SLC25A37: variants seen among roughly 807,000 people sequenced by gnomAD.
SLC25A37 encodes the protein mitoferrin-1.
SLC25A37 carries 17 observed loss-of-function variants against 31.0 expected under a neutral mutation model. That is an observed-to-expected ratio of 0.55 (90% CI 0.38 to 0.82). The LOEUF is 0.82. Ranked by LOEUF, SLC25A37 falls within the 40% of genes least tolerant of loss-of-function variation. The pLI, the probability that SLC25A37 is intolerant of heterozygous loss-of-function variation, is 0.00. For missense variants in SLC25A37, 404 were observed against 465.8 expected, an observed-to-expected ratio of 0.87 and a Z score of 1.22; for synonymous variants, 222 against 193.0, an observed-to-expected ratio of 1.15 and a Z score of -1.24.
chr8:23,566,706 T>A (rs1802670135), intron 2 of SLC25A37: 2 of 997,904 alleles, frequency 2.0e-6, no homozygotes, highest in Non-Finnish European at 2.4e-6. Context: ...AACTTTTGAA[T>A]GCTGGATTCA....
intron 1 of SLC25A37, among the ~76,000 whole-genome samples, chr8:23,554,361 A>G (rs934633129): frequency 1.3e-5 from 2 of 152,194 alleles, no homozygotes; most frequent in African/African-American, 4.8e-5. Flanking sequence ...AGGGCAGGGC[A>G]GGACAGGGAA....
intron 1 of SLC25A37, among the ~76,000 whole-genome samples, chr8:23,557,855 G>A (rs1055342825): frequency 6.6e-6 from 1 of 152,256 alleles, no homozygotes; most frequent in African/African-American, 2.4e-5. Context: ...ACATTGGGCA[G>A]CAGAGGCTAA....
chr8:23,573,545 C>G lies in SLC25A37; in HGVS notation c.*1690C>G, dbSNP rs1412938508. On this transcript the variant is annotated 3_prime_UTR_variant, in exon 4 of 4. Transcript: ENST00000519973. ...CGTGGTGCATCTTACCGAGGAGGCG[C>G]AGGCCTGGATTCTTTTGAGTGGTGC... 3.8e-6 allele frequency: 1 copy of G among 264,022 alleles called. No individual in the cohort carries two copies. Among genetic ancestry groups the G allele is most frequent in the Non-Finnish European group, 7.9e-6 (1 of 126,688 alleles). 16.4% of individuals were successfully genotyped at this position (264,022 alleles called of 1,614,324 possible).
At chr8:23,562,359 G>T (rs1422213937) in intron 1 of SLC25A37, among the ~76,000 whole-genome samples, 4 of 152,204 alleles carry the variant, frequency 2.6e-5, no homozygotes, top group Admixed American at 6.5e-5. Flanking sequence ...CAAATTAAAG[G>T]TGATGGCAAG....
intron 1 of SLC25A37, among the ~76,000 whole-genome samples, chr8:23,559,539 C>T (rs764613175): frequency 1.3e-5 from 2 of 152,130 alleles, no homozygotes; most frequent in Admixed American, 1.3e-4. Context: ...TACAGTCCAG[C>T]GGCATTAAGT....
At position 23,571,768 on chromosome 8, in the gene SLC25A37, G is replaced by C. The variant is rs771283665; in HGVS notation, c.930G>C (p.Met310Ile). 2 of 1,614,028 alleles carry C rather than the reference G, an allele frequency of 1.2e-6. No individual in the cohort carries two copies. The highest frequency in any genetic ancestry group is 1.1e-5 in the South Asian group (1 of 91,074). ...TCCAGGCGCGTGTCATCTACCAGAT[G>C]CCCTCCACCGCCATTTCTTGGTCTG... ...KGIQARVIYQ[M>I]PSTAISWSVY... The change falls in exon 4 of 4, where the codon ATG becomes ATC. Residue 310 changes from methionine (M) to isoleucine (I), a missense_variant. Met to Ile is a conservative substitution (Grantham distance 10). Coordinates refer to ENST00000519973, the MANE Select transcript of SLC25A37 (RefSeq NM_016612.4).
At chr8:23,567,958 G>T in intron 2 of SLC25A37, 1 of 336,494 alleles carries the variant, frequency 3.0e-6, no homozygotes, top group Non-Finnish European at 5.8e-6. Context: ...GAGTTAATGT[G>T]TAGACAAAGG....
chr8:23,540,382 G>T (rs757643838), intron 1 of SLC25A37, among the ~76,000 whole-genome samples: 7 of 152,168 alleles, frequency 4.6e-5, no homozygotes, highest in Non-Finnish European at 5.9e-5. Context: ...TGATGATGGG[G>T]CCCAGCTGCA....
At chr8:23,570,175 A>T (rs1563268743) in intron 3 of SLC25A37, among the ~76,000 whole-genome samples, 1 of 151,966 alleles carries the variant, frequency 6.6e-6, no homozygotes, top group Non-Finnish European at 1.5e-5. Context: ...TGATTTCTTT[A>T]TCGTGTGCCG....
At position 23,573,681 on chromosome 8, in the gene SLC25A37, A is replaced by C; in HGVS notation, c.*1826A>C. On this transcript the variant is annotated 3_prime_UTR_variant, in exon 4 of 4. Transcript: ENST00000519973. ...GATGAAGAATTTTATCAGTCAGTGG[A>C]GTTCCTTTTTCAGATCAGGGATGGG... The C allele has an allele frequency of 2.4e-6, 1 of 420,506 alleles. No individual in the cohort carries two copies. Among genetic ancestry groups the C allele is most frequent in the Non-Finnish European group, 4.9e-6 (1 of 203,136 alleles). The allele number at this position is 420,506 out of a possible 1,614,324, so 26.0% of individuals were successfully genotyped here. A position where few individuals can be genotyped will look rare whatever the true frequency, so the allele number is the denominator to read the frequency against.
Position 23,573,645 on chromosome 8 carries a change from G to A in SLC25A37, c.*1790G>A. On this transcript the variant is annotated 3_prime_UTR_variant, in exon 4 of 4. Coordinates refer to ENST00000519973, the MANE Select transcript of SLC25A37 (RefSeq NM_016612.4). ...CACAGTGCCTTGGGGAGTAGATTTT[G>A]CCCTAATAGCGATGAAGAATTTTAT... is the stretch of plus-strand genomic sequence containing the variant. 1 of 381,786 alleles carries A rather than the reference G, an allele frequency of 2.6e-6. No homozygotes were observed. Among genetic ancestry groups the A allele is most frequent in the Non-Finnish European group, 5.4e-6 (1 of 184,884 alleles). 23.6% of individuals were successfully genotyped at this position (381,786 alleles called of 1,614,324 possible). A position where few individuals can be genotyped will look rare whatever the true frequency, so the allele number is the denominator to read the frequency against.
At chr8:23,536,450 CA>C (rs981735217) in intron 1 of SLC25A37, among the ~76,000 whole-genome samples, 6 of 152,152 alleles carry the variant, frequency 3.9e-5, no homozygotes, top group African/African-American at 1.4e-4. Flanking sequence ...CTGTTCCTGC[CA>C]GGGGCACCTC....
Position 23,571,369 on chromosome 8 carries a change from G to A in SLC25A37, c.531G>A (p.Gln177=), listed in dbSNP as rs1802827772. 1.2e-6 allele frequency: 2 copies of A among 1,607,206 alleles called. No individual in the cohort carries two copies. Among genetic ancestry groups the A allele is most frequent in the East Asian group, 4.5e-5 (2 of 44,780 alleles). ...VKQRLQMYNS[Q]HRSAISCIRT... ...AGCGCTTGCAGATGTACAACTCGCAGCACCGGTCAGCAATCAGCTGCATCC... is the reference window on the plus strand; with the variant it reads ...AGCGCTTGCAGATGTACAACTCGCAACACCGGTCAGCAATCAGCTGCATCC... The change falls in exon 4 of 4, where the codon CAG becomes CAA. Residue 177 remains glutamine, a synonymous_variant. Transcript: ENST00000519973.
intron 1 of SLC25A37, among the ~76,000 whole-genome samples, chr8:23,558,813 C>A (rs1442543692): frequency 6.6e-6 from 1 of 152,132 alleles, no homozygotes; most frequent in Non-Finnish European, 1.5e-5. Flanking sequence ...TTTCTCCATC[C>A]TGCAGGCAGG....
chr8:23,541,058 G>A (rs1194312393), intron 1 of SLC25A37, among the ~76,000 whole-genome samples: 5 of 152,166 alleles, frequency 3.3e-5, no homozygotes, highest in Admixed American at 3.3e-4. Context: ...TCCTTACAGT[G>A]TCTCCCATCT....
rs568499297 is a variant in SLC25A37 at position 23,530,334 on chromosome 8, G to C, written c.210+1122G>C. 2.0e-4 allele frequency among the ~76,000 whole-genome samples: 31 copies of C among 152,340 alleles called. 1 individual carries two copies. In the Middle Eastern group the frequency reaches 0.02, roughly 100 times the overall value. On this transcript the variant is annotated intron_variant, in intron 1 of 3. Coordinates refer to ENST00000519973, the MANE Select transcript of SLC25A37 (RefSeq NM_016612.4). ...TAGGTGGCAATTATTTTGCAAGGCA[G>C]GTCCCACAGAGGCACCCCCAGCAGC...
Position 23,571,869 on chromosome 8 carries a change from A to T in SLC25A37, c.*14A>T, listed in dbSNP as rs1802859391. 1 of 1,603,088 alleles carries T rather than the reference A, an allele frequency of 6.2e-7. No individual in the cohort carries two copies. Among genetic ancestry groups the T allele is most frequent in the African/African-American group, 1.3e-5 (1 of 74,554 alleles). ...GCTCCATACTAAAGGAAGGGATCATAGAATCTTTTCTTAAAGTCATTCTCT... is the reference window on the plus strand; with the variant it reads ...GCTCCATACTAAAGGAAGGGATCATTGAATCTTTTCTTAAAGTCATTCTCT... On this transcript the variant is annotated 3_prime_UTR_variant, in exon 4 of 4. Transcript: ENST00000519973.
rs56169952 is a variant in SLC25A37, at chr8:23,546,556, GTATATATATATA to G, written c.210+17359_210+17370del. ...GTATATATATATATATATATATAGT[GTATATATATATA>G]TATATATATATATAGTGTATATATA... On this transcript the variant is annotated intron_variant, in intron 1 of 3. Transcript: ENST00000519973. Among the ~76,000 whole-genome samples, 7 of 42,590 alleles carry G rather than the reference GTATATATATATA, an allele frequency of 1.6e-4. 1 individual carries two copies. Among genetic ancestry groups the G allele is most frequent in the Non-Finnish European group, 2.2e-4 (6 of 27,152 alleles). 27.9% of individuals were successfully genotyped at this position (42,590 alleles called of 152,430 possible).
chr8:23,554,260 G>T (rs1802306881), intron 1 of SLC25A37, among the ~76,000 whole-genome samples: 1 of 152,192 alleles, frequency 6.6e-6, no homozygotes, highest in African/African-American at 2.4e-5. Context: ...AAGGTTCAGG[G>T]AAGCAAGTTG....
Sources: gnomAD v4.1 joint callset for allele counts (sites outside exome capture counted in the v4.1 genomes callset) on GRCh38, gnomAD v4.1.1 for gene constraint, MANE v1.5 for transcripts, NCBI Gene and HGNC (gene_info 2026-07-23, HGNC 2026-07-21) for gene names.